Variants in LOC128462377 observed in about 807,000 individuals in gnomAD.
chr16:89,411,603 G>A, the LOC128462377 span, among the ~76,000 whole-genome samples: 5 of 152,102 alleles, frequency 3.3e-5, no homozygotes, highest in East Asian at 7.7e-4. Flanking sequence ...TTGGAGAGAT[G>A]GGGTCTTGCC....
the LOC128462377 span, among the ~76,000 whole-genome samples, chr16:89,385,630 G>A: frequency 6.6e-6 from 1 of 152,218 alleles, no homozygotes; most frequent in Admixed American, 6.5e-5. Flanking sequence ...TCACGATGAT[G>A]CATTTCCACA....
the LOC128462377 span, chr16:89,395,856 G>A: frequency 2.0e-5 from 3 of 152,144 alleles, no homozygotes; most frequent in African/African-American, 4.8e-5. Context: ...GGGGTGGTGC[G>A]GCAAGACTGT....
At chr16:89,402,435 A>G in the LOC128462377 span, among the ~76,000 whole-genome samples, 23 of 152,050 alleles carry the variant, frequency 1.5e-4, no homozygotes, top group Non-Finnish European at 2.9e-4. Context: ...TACCTAACAC[A>G]TGAGGAAGCC....
chr16:89,390,815 C>T, the LOC128462377 span, among the ~76,000 whole-genome samples: 13 of 152,288 alleles, frequency 8.5e-5, no homozygotes, highest in South Asian at 1.2e-3. Flanking sequence ...TGGAGCTCTG[C>T]GCTGCTCCCC....
chr16:89,389,205 A>T, the LOC128462377 span, among the ~76,000 whole-genome samples: 2 of 151,308 alleles, frequency 1.3e-5, no homozygotes, highest in African/African-American at 4.9e-5. Flanking sequence ...TTTTACTTTT[A>T]GTAGAGATGA....
At chr16:89,381,131 C>T in the LOC128462377 span, among the ~76,000 whole-genome samples, 23 of 151,854 alleles carry the variant, frequency 1.5e-4, no homozygotes, top group African/African-American at 5.1e-4. Flanking sequence ...GAGACCAGCC[C>T]GGCCAACATG....
the LOC128462377 span, among the ~76,000 whole-genome samples, chr16:89,364,620 C>T: frequency 6.6e-6 from 1 of 152,168 alleles, no homozygotes; most frequent in Non-Finnish European, 1.5e-5. Flanking sequence ...TGGCTTGGGC[C>T]ACACATAAAA....
At chr16:89,359,986 C>T in the LOC128462377 span, among the ~76,000 whole-genome samples, 9 of 152,066 alleles carry the variant, frequency 5.9e-5, no homozygotes, top group East Asian at 9.6e-4. Context: ...GGAGGTTGTA[C>T]GTGTTATTCT....
At chr16:89,334,321 C>A in the LOC128462377 span, among the ~76,000 whole-genome samples, 2 of 151,946 alleles carry the variant, frequency 1.3e-5, no homozygotes, top group Non-Finnish European at 2.9e-5. Context: ...CCAATACGGC[C>A]AAGTTTCTGA....
At chr16:89,406,015 T>C in the LOC128462377 span, among the ~76,000 whole-genome samples, 5 of 145,170 alleles carry the variant, frequency 3.4e-5, no homozygotes, top group African/African-American at 5.2e-5. Context: ...GAGGCTGAGG[T>C]GGGAGAATCA....
the LOC128462377 span, among the ~76,000 whole-genome samples, chr16:89,404,609 G>T: frequency 6.6e-6 from 1 of 152,232 alleles, no homozygotes; most frequent in Non-Finnish European, 1.5e-5. Flanking sequence ...TCAGGCTAAT[G>T]CCTAGGTCAG....
chr16:89,381,141 G>A, the LOC128462377 span, among the ~76,000 whole-genome samples: 950 of 152,214 alleles, frequency 6.2e-3, 10 homozygotes, highest in African/African-American at 0.022. Flanking sequence ...CGGCCAACAT[G>A]GCGAAACCCT....
chr16:89,374,199 T>C, the LOC128462377 span, among the ~76,000 whole-genome samples: 1 of 152,238 alleles, frequency 6.6e-6, no homozygotes, highest in Non-Finnish European at 1.5e-5. Flanking sequence ...AAAACATTAA[T>C]ATCAGACTTC....
the LOC128462377 span, among the ~76,000 whole-genome samples, chr16:89,345,260 C>T: frequency 6.9e-6 from 1 of 145,630 alleles, no homozygotes; most frequent in African/African-American, 2.6e-5. Flanking sequence ...CCCTCCCCAC[C>T]CCCCGGCAAA....
the LOC128462377 span, among the ~76,000 whole-genome samples, chr16:89,379,319 A>G: frequency 1.8e-3 from 273 of 152,336 alleles, 2 homozygotes; most frequent in African/African-American, 5.8e-3. Flanking sequence ...TGGAACAACA[A>G]TTTTATAAAA....
chr16:89,383,774 G>A, the LOC128462377 span, among the ~76,000 whole-genome samples: 1 of 152,076 alleles, frequency 6.6e-6, no homozygotes, highest in South Asian at 2.1e-4. Flanking sequence ...AAGCCAAGAA[G>A]GCCCAATGCC....
At chr16:89,335,326 T>C in the LOC128462377 span, among the ~76,000 whole-genome samples, 2 of 152,114 alleles carry the variant, frequency 1.3e-5, no homozygotes, top group African/African-American at 4.8e-5. Flanking sequence ...AGGGCTCCAG[T>C]TCCTTCCAGC....
At chr16:89,351,514 A>C in the LOC128462377 span, among the ~76,000 whole-genome samples, 1 of 152,218 alleles carries the variant, frequency 6.6e-6, no homozygotes, top group African/African-American at 2.4e-5. Context: ...AGAGGATCCT[A>C]GCGAACTTTT....
the LOC128462377 span, among the ~76,000 whole-genome samples, chr16:89,319,070 T>A: frequency 4.0e-4 from 61 of 152,338 alleles, no homozygotes; most frequent in Admixed American, 1.0e-3. Flanking sequence ...TTAAGGATTA[T>A]CTGGAATTAA....
Sources: gnomAD v4.1 joint callset for allele counts (sites outside exome capture counted in the v4.1 genomes callset) on GRCh38, gnomAD v4.1.1 for gene constraint, MANE v1.5 for transcripts.